The following POMK variants were observed in gnomAD, a reference collection of about 807,000 sequenced individuals.
POMK encodes protein O-mannose kinase.
A neutral mutation model predicts 23.0 loss-of-function variants in POMK; 19 were observed. The ratio of observed to expected loss-of-function variants is 0.83; its 90% CI spans 0.58 to 1.21. POMK has a LOEUF of 1.21. Among genes scored for constraint, POMK ranks in the 50% most tolerant of loss-of-function variants. POMK has a pLI of 0.00. For missense variants in POMK, 410 were observed against 431.3 expected (o/e 0.95, Z 0.44); for synonymous variants, 173 against 171.6 (o/e 1.01, Z -0.06).
chr8:43,101,529 A>G (rs1287086141), intron 2 of POMK, among the ~76,000 whole-genome samples: 1 of 151,992 alleles, frequency 6.6e-6, no homozygotes, highest in Admixed American at 6.6e-5. Context: ...TGTAGAACTG[A>G]GTGTAAAGGG....
intron 2 of POMK, among the ~76,000 whole-genome samples, chr8:43,098,084 G>T (rs1811370143): frequency 6.6e-6 from 1 of 152,118 alleles, no homozygotes; most frequent in African/African-American, 2.4e-5. Context: ...TGAGAGCTGG[G>T]AATGCTTTTA....
In POMK at chr8:43,122,773, ACTCC is replaced by A; in HGVS notation, c.953_956del (p.Pro318GlnfsTer24). The A allele has an allele frequency of 1.2e-6, 2 of 1,614,000 alleles. No homozygotes were observed. The highest frequency in any genetic ancestry group is 1.7e-6 in the Non-Finnish European group (2 of 1,180,004). ...TATTCACAAAGCATGCAAGAGCCAG[ACTCC>A]CTCAGAAAGACCCACTGCCCAGGAC... On this transcript the variant is annotated frameshift_variant, in exon 5 of 5. Transcript: ENST00000331373. LOFTEE classifies it high-confidence loss of function.
At position 43,122,672 on chromosome 8, in the gene POMK, G is replaced by T; in HGVS notation, c.848G>T (p.Trp283Leu). Reference protein sequence around the residue: ...MPSYDEKIDIWKIPDISSFLL... With the variant: ...MPSYDEKIDILKIPDISSFLL... Reference sequence around the variant, plus strand: ...TCATATGATGAGAAGATTGACATTTGGAAGATCCCAGACATCTCCAGTTTC... The same window carrying T: ...TCATATGATGAGAAGATTGACATTTTGAAGATCCCAGACATCTCCAGTTTC... The change falls in exon 5 of 5, where the codon TGG becomes TTG. Residue 283 changes from tryptophan to leucine, a missense_variant. Physicochemically the swap from Trp to Leu is moderately conservative, Grantham distance 61. Coordinates refer to ENST00000331373, the MANE Select transcript of POMK (RefSeq NM_032237.5). 3.7e-6 allele frequency: 6 copies of T among 1,614,150 alleles called. No homozygotes were observed. Among genetic ancestry groups the T allele is most frequent in the Non-Finnish European group, 5.1e-6 (6 of 1,180,024 alleles).
rs1258201818 is a variant in POMK, at chr8:43,122,217, C to T, written c.393C>T (p.Gly131=). 1 of 1,614,192 alleles carries T rather than the reference C, an allele frequency of 6.2e-7. No individual in the cohort carries two copies. The highest frequency in any genetic ancestry group is 1.1e-5 in the South Asian group (1 of 91,088). The change falls in exon 5 of 5, where the codon GGC becomes GGT. Residue 131 remains glycine (G), a synonymous_variant. Coordinates refer to ENST00000331373, the MANE Select transcript of POMK (RefSeq NM_032237.5). ...TGCAGATGCTGAAATCTCTCCAAGG[C>T]ACACATGTTGTCACGCTGCTTGGCT... ...HGLQMLKSLQ[G]THVVTLLGYC... is the part of the protein sequence containing the mutation.
rs1811955765 is a variant in POMK, at chr8:43,123,012, C to A, written c.*135C>A. 2.7e-6 allele frequency: 2 copies of A among 727,670 alleles called. No individual in the cohort carries two copies. Among genetic ancestry groups the A allele is most frequent in the Non-Finnish European group, 2.2e-6 (1 of 446,752 alleles). The allele number at this position is 727,670 out of a possible 1,614,324, so 45.1% of individuals were successfully genotyped here. On this transcript the variant is annotated 3_prime_UTR_variant, in exon 5 of 5. Coordinates refer to ENST00000331373, the MANE Select transcript of POMK (RefSeq NM_032237.5). ...ATGGCTTAGCCATGTGGTTCGTTGT[C>A]CACATCCACATGTACGTTTGTATGT...
chr8:43,095,237 C>T (rs139584826), intron 1 of POMK, among the ~76,000 whole-genome samples: 94 of 152,286 alleles, frequency 6.2e-4, no homozygotes, highest in Non-Finnish European at 2.2e-4. Context: ...TATTACTTCA[C>T]CTCTGACTCA....
chr8:43,112,166 C>T (rs964068810), intron 4 of POMK, among the ~76,000 whole-genome samples: 4 of 151,640 alleles, frequency 2.6e-5, no homozygotes, highest in East Asian at 1.9e-4. Flanking sequence ...TTAAAAACTT[C>T]GAAAAAAAAT....
Position 43,122,848 on chromosome 8 carries a change from A to G in POMK, c.1024A>G (p.Met342Val), listed in dbSNP as rs762404960. ...QKVLDTLRDA[M>V]MSQAREML ...GGTCTTGGATACACTTAGAGATGCCATGATGTCTCAGGCAAGAGAGATGCT... is the reference window on the plus strand; with the variant it reads ...GGTCTTGGATACACTTAGAGATGCCGTGATGTCTCAGGCAAGAGAGATGCT... Residue 342 changes from methionine to valine, a missense_variant, in exon 5 of 5, where the codon ATG becomes GTG. By Grantham distance (21) the Met-to-Val change is conservative. Transcript: ENST00000331373. 6.4e-5 allele frequency: 103 copies of G among 1,612,760 alleles called. 1 individual carries two copies. In the Middle Eastern group the frequency reaches 8.3e-4, roughly 13 times the overall value.
intron 4 of POMK, 124 bp downstream of exon 4, chr8:43,103,954 C>T: frequency 1.0e-6 from 1 of 958,062 alleles, no homozygotes; most frequent in East Asian, 2.6e-5. Context: ...AAAGTGTACT[C>T]CATTGCATAT....
chr8:43,100,931 G>GC (rs1460342994), intron 2 of POMK, among the ~76,000 whole-genome samples: 3 of 152,114 alleles, frequency 2.0e-5, no homozygotes, highest in African/African-American at 7.2e-5. Flanking sequence ...TCTAGAGGCT[G>GC]CTACTGTGGG....
chr8:43,103,675 A>G lies in POMK; in HGVS notation c.127A>G (p.Ile43Val), dbSNP rs1470311222. ...CTACCTCTGCCTCGACCACTTCTTC[A>G]TCGCTCCTCGACAATCCACTGTGGA... ...LLYLCLDHFF[I>V]APRQSTVDPT... is the part of the protein sequence containing the mutation. The change falls in exon 4 of 5, where the codon ATC becomes GTC. Residue 43 changes from isoleucine (I) to valine (V), a missense_variant. By Grantham distance (29) the Ile-to-Val change is conservative (BLOSUM62 3). Transcript: ENST00000331373. 6.8e-6 allele frequency: 11 copies of G among 1,613,844 alleles called. No individual in the cohort carries two copies. Among genetic ancestry groups the G allele is most frequent in the Non-Finnish European group, 9.3e-6 (11 of 1,180,026 alleles).
chr8:43,106,509 CTTTTTTTT>C (rs1221471764), intron 4 of POMK, among the ~76,000 whole-genome samples: 1 of 115,216 alleles, frequency 8.7e-6, no homozygotes, highest in African/African-American at 3.2e-5. Context: ...TTTACTTTTG[CTTTTTTTT>C]TTTTTTTTTT....
chr8:43,106,509 C>CTTT (rs1221471764), intron 4 of POMK, among the ~76,000 whole-genome samples: 15 of 115,194 alleles, frequency 1.3e-4, no homozygotes, highest in Non-Finnish European at 1.7e-4. Flanking sequence ...TTTACTTTTG[C>CTTT]TTTTTTTTTT....
intron 2 of POMK, among the ~76,000 whole-genome samples, chr8:43,098,816 T>C (rs1294553748): frequency 6.6e-6 from 1 of 152,256 alleles, no homozygotes. Flanking sequence ...AAATGCCATC[T>C]TGTCACACTT....
At position 43,102,543 on chromosome 8, in the gene POMK, T is replaced by A. The variant is rs770255423; in HGVS notation, c.-79T>A. ...CAGTCCCTGGGCGCCAACTAGAGTA[T>A]GGACTGACCAGGTACCTGGATGGAG... is the stretch of plus-strand genomic sequence containing the variant. On this transcript the variant is annotated 5_prime_UTR_variant, in exon 3 of 5. An upstream start codon of the reference 5' UTR is lost. Transcript: ENST00000331373. The A allele has an allele frequency of 3.3e-5, 5 of 152,378 alleles. No individual in the cohort carries two copies. Among genetic ancestry groups the A allele is most frequent in the African/African-American group, 4.8e-5 (2 of 41,432 alleles). The allele number at this position is 152,378 out of a possible 1,614,324, so 9.4% of individuals were successfully genotyped here.
At chr8:43,121,944 C>G (rs1334602607) in intron 4 of POMK, among the ~76,000 whole-genome samples, 163 bp from the exon 5 acceptor site, 1 of 152,270 alleles carries the variant, frequency 6.6e-6, no homozygotes, top group East Asian at 1.9e-4. Flanking sequence ...GCTCATCGGT[C>G]TCTCTTCATA....
At chr8:43,106,263 T>C (rs995221195) in intron 4 of POMK, among the ~76,000 whole-genome samples, 2 of 152,186 alleles carry the variant, frequency 1.3e-5, no homozygotes, top group Admixed American at 1.3e-4. Flanking sequence ...GAGCATTTTT[T>C]CACAAATTTA....
chr8:43,115,852 C>G (rs534851492), intron 4 of POMK, among the ~76,000 whole-genome samples: 2 of 152,356 alleles, frequency 1.3e-5, no homozygotes, highest in African/African-American at 4.8e-5. Flanking sequence ...CCAGCTCTCT[C>G]CTGCTCCATG....
intron 2 of POMK, among the ~76,000 whole-genome samples, chr8:43,099,743 C>A (rs1811400494): frequency 6.6e-6 from 1 of 152,078 alleles, no homozygotes; most frequent in African/African-American, 2.4e-5. Flanking sequence ...GGGCTCGGGG[C>A]CAGTTTCATG....
Sources: gnomAD v4.1 joint callset for allele counts (sites outside exome capture counted in the v4.1 genomes callset) on GRCh38, gnomAD v4.1.1 for gene constraint, MANE v1.5 for transcripts, NCBI Gene and HGNC (gene_info 2026-07-23, HGNC 2026-07-21) for gene names.